TYW1B: variants seen among roughly 807,000 people sequenced by gnomAD.
The protein encoded by TYW1B is tRNA-yW synthesizing protein 1 homolog B.
Under a neutral mutation model 86.9 loss-of-function variants are expected in TYW1B, and 73 were observed. The ratio of observed to expected loss-of-function variants is 0.84; its 90% confidence interval spans 0.70 to 1.02. TYW1B has a LOEUF of 1.02. TYW1B is among the 50% of genes least tolerant of loss of function. The pLI, the probability that TYW1B is intolerant of heterozygous loss-of-function variation, is 0.00. For synonymous variants in TYW1B, 248 were observed against 292.8 expected, an observed-to-expected ratio of 0.85 and a Z score of 1.56; for missense variants, 637 against 827.4, an observed-to-expected ratio of 0.77 and a Z score of 2.82.
chr7:72,632,391 T>TATATATATAATATATATATAC lies in TYW1B; in HGVS notation c.1507-3415_1507-3395dup, dbSNP rs1812539743. On this transcript the variant is annotated intron_variant, in intron 11 of 13. Transcript: ENST00000620995. ...CGCATATATATTATATATATACGTA[T>TATATATATAATATATATATAC]ATATATATAATATATATATACATAT... Among the ~76,000 whole-genome samples, 4 of 98,784 alleles carry TATATATATAATATATATATAC rather than the reference T, an allele frequency of 4.0e-5. No individual in the cohort carries two copies. The East Asian group carries it at 8.4e-4, about 21-fold the overall frequency. 64.8% of individuals were successfully genotyped at this position (98,784 alleles called of 152,430 possible).
chr7:72,610,954 C>T (rs1366001057), intron 13 of TYW1B, among the ~76,000 whole-genome samples: 1 of 152,168 alleles, frequency 6.6e-6, no homozygotes, highest in Non-Finnish European at 1.5e-5. Flanking sequence ...TTTAGGATGC[C>T]ATTCAATGCT....
rs56806378 is a variant in TYW1B, at chr7:72,734,268, A to AAAAAAAAAAAAAC, written c.1083-5338_1083-5337insGTTTTTTTTTTTT. Among the ~76,000 whole-genome samples the AAAAAAAAAAAAAC allele has an allele frequency of 9.2e-5, 9 of 98,092 alleles. 1 individual carries two copies. Among genetic ancestry groups the AAAAAAAAAAAAAC allele is most frequent in the Admixed American group, 1.2e-4 (1 of 8,534 alleles). The allele number at this position is 98,092 out of a possible 152,430, so 64.4% of individuals were successfully genotyped here. ...TTAAAACTCCATCTCAAAAAAAAAA[A>AAAAAAAAAAAAAC]ACACAACAAAAAAACTATAAACCTA... On this transcript the variant is annotated intron_variant, in intron 8 of 13. Transcript: ENST00000620995.
chr7:72,627,512 T>TAAAATA (rs1554439099), intron 12 of TYW1B, among the ~76,000 whole-genome samples: 8 of 143,320 alleles, frequency 5.6e-5, no homozygotes, highest in East Asian at 2.2e-4. Flanking sequence ...TAACATAACA[T>TAAAATA]AAATAAAATA....
chr7:72,683,631 T>C (rs34892808), intron 11 of TYW1B, among the ~76,000 whole-genome samples: 1 of 152,134 alleles, frequency 6.6e-6, no homozygotes, highest in East Asian at 1.9e-4. Flanking sequence ...AATGCTTCCC[T>C]TCCCCATATA....
chr7:72,783,457 C>T (rs1554471957), intron 6 of TYW1B, among the ~76,000 whole-genome samples: 2 of 149,026 alleles, frequency 1.3e-5, no homozygotes, highest in Non-Finnish European at 3.0e-5. Flanking sequence ...TTAATCTAAA[C>T]TAATAAAAAT....
rs532043176 is a variant in TYW1B at position 72,720,762 on chromosome 7, A to T, written c.1193-6964T>A. On this transcript the variant is annotated intron_variant, in intron 9 of 13. Coordinates refer to ENST00000620995, the MANE Select transcript of TYW1B (RefSeq NM_001145440.3). Reference sequence around the variant, plus strand: ...GCCTCTAAATTTCTTTATTATTATTATTATACCTTAAGTTCTAGGGTACAT... The same window carrying T: ...GCCTCTAAATTTCTTTATTATTATTTTTATACCTTAAGTTCTAGGGTACAT... Among the ~76,000 whole-genome samples the T allele has an allele frequency of 2.0e-5, 3 of 152,252 alleles. No homozygotes were observed. The South Asian group carries it at 6.2e-4, about 32-fold the overall frequency.
intron 5 of TYW1B, 61 bp downstream of exon 5, chr7:72,807,005 A>G (rs774299414): frequency 1.0e-5 from 16 of 1,563,736 alleles, no homozygotes; most frequent in Non-Finnish European, 1.3e-5. Flanking sequence ...GGAAGAGCTC[A>G]AGCTCGAGAT....
At chr7:72,677,150 G>GATTC (rs1554447597) in intron 11 of TYW1B, among the ~76,000 whole-genome samples, 1 of 152,000 alleles carries the variant, frequency 6.6e-6, no homozygotes. Flanking sequence ...TGTATTCATT[G>GATTC]ATTCATTCAT....
chr7:72,742,171 C>T (rs1378674549), intron 8 of TYW1B, among the ~76,000 whole-genome samples: 3 of 151,992 alleles, frequency 2.0e-5, no homozygotes, highest in Non-Finnish European at 2.9e-5. Flanking sequence ...GCTCTGCCAC[C>T]CAGGCTGGAG....
intron 11 of TYW1B, among the ~76,000 whole-genome samples, chr7:72,674,759 C>CT (rs10712486): frequency 0.23 from 30,349 of 134,102 alleles, 4,261 homozygotes; most frequent in African/African-American, 0.4. Context: ...CCTTTTCTCT[C>CT]TTTTTTTTTT....
At chr7:72,671,576 A>G (rs1186730635) in intron 11 of TYW1B, among the ~76,000 whole-genome samples, 2 of 152,226 alleles carry the variant, frequency 1.3e-5, no homozygotes, top group Non-Finnish European at 2.9e-5. Flanking sequence ...GAAGCAATTT[A>G]TAGTCTCACC....
chr7:72,806,363 G>A (rs1554476700), intron 5 of TYW1B, among the ~76,000 whole-genome samples: 1 of 151,524 alleles, frequency 6.6e-6, no homozygotes, highest in African/African-American at 2.4e-5. Context: ...AGCCTCCCGA[G>A]TAGCTGGGAT....
At chr7:72,632,398 A>ATT (rs1334758259) in intron 11 of TYW1B, among the ~76,000 whole-genome samples, 1 of 100,806 alleles carries the variant, frequency 9.9e-6, no homozygotes, top group Non-Finnish European at 1.8e-5. Context: ...GTATATATAT[A>ATT]TAATATATAT....
At chr7:72,794,020 T>C (rs1253757235) in intron 6 of TYW1B, among the ~76,000 whole-genome samples, 6 of 152,170 alleles carry the variant, frequency 3.9e-5, no homozygotes, top group Non-Finnish European at 1.5e-5. Context: ...GTACGGCTGC[T>C]GCCTAGGAAA....
chr7:72,628,961 C>T lies in TYW1B; in HGVS notation c.1543G>A (p.Ala515Thr). ...GCCTGGAGCTCGTCCACGTTCCATG[C>T]TTTCACGAGCATCAGTCTGTAGACA... is the stretch of plus-strand genomic sequence containing the variant. ...RTVYRLMLVK[A>T]WNVDELQAYA... The change falls in exon 12 of 14, where the codon GCA (alanine) becomes ACA (threonine). Residue 515 changes from alanine to threonine, a missense_variant. Coordinates refer to ENST00000620995, the MANE Select transcript of TYW1B (RefSeq NM_001145440.3). The T allele has an allele frequency of 6.3e-7, 1 of 1,582,428 alleles. No homozygotes were observed. Among genetic ancestry groups the T allele is most frequent in the Non-Finnish European group, 8.6e-7 (1 of 1,164,496 alleles).
At chr7:72,799,186 T>C in intron 6 of TYW1B, among the ~76,000 whole-genome samples, 1 of 138,672 alleles carries the variant, frequency 7.2e-6, no homozygotes, top group African/African-American at 2.8e-5. Context: ...TGAGACAGAG[T>C]CTTGCTCTGT....
rs143360090 is a variant in TYW1B at position 72,717,594 on chromosome 7, A to G, written c.1193-3796T>C. 6.9e-3 allele frequency among the ~76,000 whole-genome samples: 1,054 copies of G among 152,182 alleles called. 10 individuals are homozygous for G. The highest frequency in any genetic ancestry group is 0.023 in the African/African-American group (959 of 41,506). ...AACACACATTCTTCTTAGAACATAC[A>G]GTCATTCTCCGGGTATGTTTAAGTT... On this transcript the variant is annotated intron_variant, in intron 9 of 13. Transcript: ENST00000620995.
intron 11 of TYW1B, among the ~76,000 whole-genome samples, chr7:72,678,182 C>G (rs1417301831): frequency 1.3e-5 from 2 of 152,118 alleles, no homozygotes; most frequent in Non-Finnish European, 2.9e-5. Context: ...AAGAAAATGT[C>G]TCTGCTTTCA....
intron 8 of TYW1B, among the ~76,000 whole-genome samples, chr7:72,742,565 G>A (rs1376232690): frequency 1.2e-4 from 18 of 152,186 alleles, no homozygotes; most frequent in African/African-American, 4.3e-4. Flanking sequence ...ACATAAAGGA[G>A]GCGGGACAGA....
Sources: gnomAD v4.1 joint callset for allele counts (sites outside exome capture counted in the v4.1 genomes callset) on GRCh38, gnomAD v4.1.1 for gene constraint, MANE v1.5 for transcripts, NCBI Gene and HGNC (gene_info 2026-07-23, HGNC 2026-07-21) for gene names.